The following DNM3 variants were observed in gnomAD, a reference collection of about 807,000 sequenced individuals.
DNM3 encodes the protein dynamin 3.
DNM3 carries 47 observed loss-of-function variants against 101.6 expected under a neutral mutation model. The observed-to-expected ratio is 0.46, with a 90% confidence interval of 0.37 to 0.59. DNM3 has a LOEUF of 0.59. Among genes scored for constraint, DNM3 ranks in the 20% least tolerant of loss-of-function variants. The pLI is 0.00. For missense variants in DNM3, 849 were observed against 1,085.7 expected (o/e 0.78, Z 3.06); for synonymous variants, 385 against 387.9 (o/e 0.99, Z 0.09).
At chr1:172,087,147 C>A (rs959090494) in intron 12 of DNM3, among the ~76,000 whole-genome samples, 23 of 152,168 alleles carry the variant, frequency 1.5e-4, no homozygotes, top group African/African-American at 5.1e-4. Flanking sequence ...CATTTGACAC[C>A]ACCGTTAATC....
chr1:171,871,845 A>G (rs917807849), intron 1 of DNM3, among the ~76,000 whole-genome samples: 2 of 146,606 alleles, frequency 1.4e-5, no homozygotes, highest in African/African-American at 5.1e-5. Flanking sequence ...TTTTCTGTTA[A>G]AATTTTAGTT....
intron 4 of DNM3, among the ~76,000 whole-genome samples, chr1:172,018,185 C>T (rs1377614461): frequency 6.6e-6 from 1 of 151,932 alleles, no homozygotes; most frequent in East Asian, 1.9e-4. Context: ...GCATTTAGAC[C>T]ATTGACATTC....
chr1:172,096,952 A>G (rs1002625318), intron 13 of DNM3, among the ~76,000 whole-genome samples: 21 of 152,168 alleles, frequency 1.4e-4, no homozygotes, highest in African/African-American at 4.8e-4. Flanking sequence ...AGCAGAAGGA[A>G]CAGATTCAAA....
intron 17 of DNM3, among the ~76,000 whole-genome samples, chr1:172,369,428 T>G (rs2068205206): frequency 6.6e-6 from 1 of 152,012 alleles, no homozygotes; most frequent in Non-Finnish European, 1.5e-5. Flanking sequence ...TCAACATCAC[T>G]TCATGATAAA....
intron 1 of DNM3, among the ~76,000 whole-genome samples, chr1:171,875,951 C>T (rs1386122255): frequency 6.6e-6 from 1 of 151,710 alleles, no homozygotes; most frequent in East Asian, 1.9e-4. Flanking sequence ...ACTGGGACTA[C>T]AGGCGCGTGC....
intron 2 of DNM3, among the ~76,000 whole-genome samples, chr1:171,967,196 C>G (rs148207002): frequency 6.6e-4 from 101 of 152,154 alleles, no homozygotes; most frequent in African/African-American, 2.3e-3. Context: ...TATGTCAATT[C>G]TACATATGGT....
chr1:171,906,594 G>T (rs914778337), intron 1 of DNM3, among the ~76,000 whole-genome samples: 9 of 151,786 alleles, frequency 5.9e-5, no homozygotes, highest in South Asian at 2.1e-4. Context: ...TACTATTTTT[G>T]TTTTTTAATG....
At chr1:172,051,951 T>C (rs937860018) in intron 10 of DNM3, among the ~76,000 whole-genome samples, 1 of 152,222 alleles carries the variant, frequency 6.6e-6, no homozygotes, top group African/African-American at 2.4e-5. Context: ...TTGTGTGAAC[T>C]GGTGCCCCAA....
chr1:172,187,031 G>A (rs2059551479), intron 14 of DNM3, among the ~76,000 whole-genome samples: 1 of 152,102 alleles, frequency 6.6e-6, no homozygotes, highest in Non-Finnish European at 1.5e-5. Context: ...CACATGATTT[G>A]TTCTCTTCTT....
intron 15 of DNM3, among the ~76,000 whole-genome samples, chr1:172,257,101 G>C (rs943867679): frequency 6.6e-6 from 1 of 152,038 alleles, no homozygotes; most frequent in Non-Finnish European, 1.5e-5. Flanking sequence ...GGTTCCATGA[G>C]AGCTGATTGG....
At chr1:171,916,551 C>T (rs2125301396) in intron 1 of DNM3, among the ~76,000 whole-genome samples, 1 of 152,264 alleles carries the variant, frequency 6.6e-6, no homozygotes, top group Middle Eastern at 3.4e-3. Context: ...TCATTAAATC[C>T]TGCCATTTGT....
At chr1:172,304,084 C>T (rs540845854) in intron 15 of DNM3, among the ~76,000 whole-genome samples, 7 of 151,088 alleles carry the variant, frequency 4.6e-5, no homozygotes, top group Middle Eastern at 3.4e-3. Flanking sequence ...CACAGACTGG[C>T]AAATTGGATA....
chr1:172,064,299 T>C (rs992619393), intron 10 of DNM3, among the ~76,000 whole-genome samples: 8 of 152,294 alleles, frequency 5.3e-5, no homozygotes, highest in Admixed American at 1.3e-4. Flanking sequence ...CCCATATTCT[T>C]ACAACTGTAG....
chr1:172,067,140 T>C (rs1036925038), intron 10 of DNM3, among the ~76,000 whole-genome samples: 1 of 152,192 alleles, frequency 6.6e-6, no homozygotes, highest in African/African-American at 2.4e-5. Context: ...GCCAATATAA[T>C]AGTTATTTCT....
At position 172,297,588 on chromosome 1, in the gene DNM3, C is replaced by T. The variant is rs372119016; in HGVS notation, c.1770-11140C>T. On this transcript the variant is annotated intron_variant, in intron 15 of 20. Coordinates refer to ENST00000627582, the MANE Select transcript of DNM3 (RefSeq NM_015569.5). ...TATAATTTATCTAGATGAATACCAACCTTCTTTTCTAAATGATGAGCATAT... is the reference window on the plus strand; with the variant it reads ...TATAATTTATCTAGATGAATACCAATCTTCTTTTCTAAATGATGAGCATAT... Among the ~76,000 whole-genome samples the T allele has an allele frequency of 3.3e-5, 5 of 152,040 alleles. 1 individual carries two copies. The South Asian group carries it at 8.3e-4, about 25-fold the overall frequency.
chr1:171,939,158 A>G (rs992153472), intron 2 of DNM3, among the ~76,000 whole-genome samples: 1 of 152,162 alleles, frequency 6.6e-6, no homozygotes, highest in African/African-American at 2.4e-5. Flanking sequence ...TCCAATATTG[A>G]GATCAATTTT....
At chr1:172,116,094 G>A (rs2055869974) in intron 13 of DNM3, among the ~76,000 whole-genome samples, 1 of 152,176 alleles carries the variant, frequency 6.6e-6, no homozygotes, top group Non-Finnish European at 1.5e-5. Context: ...TAAAAAGGTA[G>A]CACTTGCTAT....
At chr1:172,195,190 A>G (rs1406608768) in intron 14 of DNM3, among the ~76,000 whole-genome samples, 1 of 151,982 alleles carries the variant, frequency 6.6e-6, no homozygotes, top group Non-Finnish European at 1.5e-5. Flanking sequence ...TCCAAACCAT[A>G]TCAATGATGT....
chr1:172,284,186 A>AG (rs1450816008), intron 15 of DNM3, among the ~76,000 whole-genome samples: 2 of 152,218 alleles, frequency 1.3e-5, no homozygotes, highest in African/African-American at 4.8e-5. Flanking sequence ...ACCCCTTTGT[A>AG]GAGTACATTT....
Sources: gnomAD v4.1 joint callset for allele counts (sites outside exome capture counted in the v4.1 genomes callset) on GRCh38, gnomAD v4.1.1 for gene constraint, MANE v1.5 for transcripts, NCBI Gene and HGNC (gene_info 2026-07-23, HGNC 2026-07-21) for gene names.